DCC: variants seen among roughly 807,000 people sequenced by gnomAD.
The protein encoded by DCC is netrin receptor DCC.
Under a neutral mutation model 172.5 loss-of-function variants are expected in DCC, and 58 were observed. The observed-to-expected ratio is 0.34, with a 90% CI of 0.27 to 0.42. The LOEUF (loss-of-function observed/expected upper bound fraction) is 0.42, where lower values mean the gene tolerates loss of function less well. Among genes scored for constraint, DCC ranks in the 10% least tolerant of loss-of-function variants. The pLI, the probability that DCC is intolerant of heterozygous loss-of-function variation, is 1.00. For synonymous variants in DCC, 709 were observed against 644.5 expected (o/e 1.10, Z -1.52); for missense variants, 1,740 against 1,791.0 (o/e 0.97, Z 0.51).
chr18:52,543,569 T>A (rs1200654737), intron 1 of DCC, among the ~76,000 whole-genome samples: 1 of 152,196 alleles, frequency 6.6e-6, no homozygotes, highest in Non-Finnish European at 1.5e-5. Flanking sequence ...AAAGGCACTG[T>A]GTGGTCAAGA....
intron 2 of DCC, among the ~76,000 whole-genome samples, chr18:52,842,505 C>T (rs913944504): frequency 1.3e-5 from 2 of 152,142 alleles, no homozygotes; most frequent in African/African-American, 4.8e-5. Flanking sequence ...GATGCTAGCC[C>T]AATTGGGGAG....
intron 1 of DCC, among the ~76,000 whole-genome samples, chr18:52,660,597 A>C (rs2035341262): frequency 6.6e-6 from 1 of 152,216 alleles, no homozygotes; most frequent in South Asian, 2.1e-4. Context: ...AAACTAAAGG[A>C]GAAAAATTTC....
intron 1 of DCC, among the ~76,000 whole-genome samples, chr18:52,353,809 GA>G (rs1984238841): frequency 6.6e-6 from 1 of 152,172 alleles, no homozygotes; most frequent in Admixed American, 6.5e-5. Flanking sequence ...CTCCTGGGGA[GA>G]GAAGTTTCTG....
At chr18:53,471,129 CTCT>C (rs1250439072) in intron 25 of DCC, among the ~76,000 whole-genome samples, 1 of 152,088 alleles carries the variant, frequency 6.6e-6, no homozygotes, top group East Asian at 1.9e-4. Flanking sequence ...TGTAACTAGT[CTCT>C]TCTTTAGCTT....
chr18:53,497,060 T>G (rs965320804), intron 26 of DCC, among the ~76,000 whole-genome samples: 2 of 152,228 alleles, frequency 1.3e-5, no homozygotes, highest in Non-Finnish European at 2.9e-5. Context: ...AGGCAGATTT[T>G]TGAGGAAAAT....
At position 52,591,817 on chromosome 18, in the gene DCC, A is replaced by C. The variant is rs571397372; in HGVS notation, c.92-160237A>C. 1.5e-4 allele frequency among the ~76,000 whole-genome samples: 22 copies of C among 142,114 alleles called. No individual in the cohort carries two copies. In the East Asian group the frequency reaches 4.1e-3, roughly 26 times the overall value. The allele number at this position is 142,114 out of a possible 152,430, so 93.2% of individuals were successfully genotyped here. A position where few individuals can be genotyped will look rare whatever the true frequency, so the allele number is the denominator to read the frequency against. On this transcript the variant is annotated intron_variant, in intron 1 of 28. Coordinates refer to ENST00000442544, the MANE Select transcript of DCC (RefSeq NM_005215.4). ...TTTTTTTTTTTTCGGTAGTAACGGA[A>C]TCTCACTATCTTATCCAGATTGGTC...
At chr18:53,226,948 A>ATATATATATATATTTTTTTTTTTT in intron 12 of DCC, among the ~76,000 whole-genome samples, 45 of 52,942 alleles carry the variant, frequency 8.5e-4, no homozygotes, top group Non-Finnish European at 1.3e-3. Context: ...ATATATATAT[A>ATATATATATATATTTTTTTTTTTT]TTTTTTTTTT....
chr18:53,376,974 C>T (rs1907334588), intron 15 of DCC, among the ~76,000 whole-genome samples: 2 of 152,134 alleles, frequency 1.3e-5, no homozygotes, highest in South Asian at 4.1e-4. Context: ...ATTGCAATAG[C>T]TTCTGTAGTA....
At chr18:53,004,653 T>G (rs951813655) in intron 5 of DCC, among the ~76,000 whole-genome samples, 4 of 152,106 alleles carry the variant, frequency 2.6e-5, no homozygotes, top group African/African-American at 9.7e-5. Flanking sequence ...TTTTATACAT[T>G]GGCTTCTCAA....
chr18:52,538,352 T>G (rs1389801594), intron 1 of DCC, among the ~76,000 whole-genome samples: 2 of 152,218 alleles, frequency 1.3e-5, no homozygotes, highest in African/African-American at 4.8e-5. Flanking sequence ...TCCAACCCAC[T>G]GCAATTTATT....
At chr18:53,428,708 ATT>A (rs1911311654) in intron 21 of DCC, among the ~76,000 whole-genome samples, 4 of 62,652 alleles carry the variant, frequency 6.4e-5, no homozygotes, top group Admixed American at 2.8e-4. Context: ...TATTTTATAT[ATT>A]ATATATATTT....
In DCC at chr18:52,474,525, G is replaced by A. The variant is rs146612586; in HGVS notation, c.91+133647G>A. On this transcript the variant is annotated intron_variant, in intron 1 of 28. Coordinates refer to ENST00000442544, the MANE Select transcript of DCC (RefSeq NM_005215.4). ...TAATGGATTTAAAATGGCAGGCTAC[G>A]TGGTCTTTCTGCCTGGTGATGAAAG... Among the ~76,000 whole-genome samples the A allele has an allele frequency of 1.4e-4, 22 of 152,240 alleles. 1 individual carries two copies. In the South Asian group the frequency reaches 3.5e-3, roughly 24 times the overall value.
Position 53,468,019 on chromosome 18 carries a change from A to T in DCC, c.3736+9A>T. On this transcript the variant is annotated intron_variant, in intron 25 of 28. Coordinates refer to ENST00000442544, the MANE Select transcript of DCC (RefSeq NM_005215.4). Reference sequence around the variant, plus strand: ...CCAGTCCAACAATCCTGGTGAGTCAATATTGGTGCCACAATGAAGAAATGA... The same window carrying T: ...CCAGTCCAACAATCCTGGTGAGTCATTATTGGTGCCACAATGAAGAAATGA... The T allele has an allele frequency of 7.9e-7, 1 of 1,268,934 alleles. No individual in the cohort carries two copies. The highest frequency in any genetic ancestry group is 1.2e-6 in the Non-Finnish European group (1 of 864,762). The allele number at this position is 1,268,934 out of a possible 1,614,324, so 78.6% of individuals were successfully genotyped here.
intron 7 of DCC, among the ~76,000 whole-genome samples, chr18:53,079,769 C>T (rs1389106426): frequency 2.6e-5 from 4 of 152,040 alleles, no homozygotes; most frequent in Admixed American, 6.6e-5. Flanking sequence ...TGTGGTTTGG[C>T]CAAGCTGCCA....
At chr18:52,631,805 T>G (rs889075320) in intron 1 of DCC, among the ~76,000 whole-genome samples, 5 of 152,336 alleles carry the variant, frequency 3.3e-5, no homozygotes, top group Admixed American at 2.6e-4. Flanking sequence ...ATTGGCCAAA[T>G]GAAGGACTCA....
At chr18:52,731,552 C>T (rs897918408) in intron 1 of DCC, among the ~76,000 whole-genome samples, 3 of 152,164 alleles carry the variant, frequency 2.0e-5, no homozygotes, top group Non-Finnish European at 4.4e-5. Flanking sequence ...TTTCTCTTTA[C>T]ATATACAAGC....
intron 10 of DCC, among the ~76,000 whole-genome samples, chr18:53,206,277 CATAT>C (rs1459226196): frequency 7.5e-6 from 1 of 133,232 alleles, no homozygotes; most frequent in Non-Finnish European, 1.5e-5. Flanking sequence ...TATTATAACA[CATAT>C]ATACCACATA....
intron 2 of DCC, among the ~76,000 whole-genome samples, chr18:52,826,819 G>GTGGAGTTTCCA (rs1425226833): frequency 6.6e-6 from 1 of 152,116 alleles, no homozygotes; most frequent in Admixed American, 6.5e-5. Context: ...CTCTGTATCC[G>GTGGAGTTTCCA]TGGAGTTTCC....
At chr18:53,177,771 A>G (rs773851806) in intron 8 of DCC, among the ~76,000 whole-genome samples, 6 of 152,190 alleles carry the variant, frequency 3.9e-5, no homozygotes, top group Non-Finnish European at 5.9e-5. Flanking sequence ...GGCCTCAACT[A>G]GACTTCAGGG....
Sources: gnomAD v4.1 joint callset for allele counts (sites outside exome capture counted in the v4.1 genomes callset) on GRCh38, gnomAD v4.1.1 for gene constraint, MANE v1.5 for transcripts, NCBI Gene and HGNC (gene_info 2026-07-23, HGNC 2026-07-21) for gene names.